The following MTHFD2L variants were observed in gnomAD, a reference collection of about 807,000 sequenced individuals.
MTHFD2L encodes the protein methylenetetrahydrofolate dehydrogenase (NADP+ dependent) 2 like.
Under a neutral mutation model 34.9 loss-of-function variants are expected in MTHFD2L, and 29 were observed. That is an observed-to-expected ratio of 0.83 (90% CI 0.62 to 1.13). The LOEUF is 1.13. Ranked by LOEUF, MTHFD2L falls within the 50% of genes most tolerant of loss-of-function variation. The pLI is 0.00. For synonymous variants in MTHFD2L, 167 were observed against 155.7 expected, an observed-to-expected ratio of 1.07 and a Z score of -0.54; for missense variants, 481 against 446.5, an observed-to-expected ratio of 1.08 and a Z score of -0.70.
In MTHFD2L at chr4:74,266,783, A is replaced by G. The variant is rs535454061; in HGVS notation, c.806-14642A>G. On this transcript the variant is annotated intron_variant, in intron 6 of 7. Transcript: ENST00000325278. The stretch of plus-strand genomic sequence containing the variant: ...ACTTTTCTGAGTCAATCAGCACTGA[A>G]TGCCTTAGCTGCTGCTAGAATGCTT... The G allele has an allele frequency of 5.2e-5, 46 of 889,724 alleles. No individual in the cohort carries two copies. The African/African-American group carries it at 7.6e-4, about 15-fold the overall frequency. The allele number at this position is 889,724 out of a possible 1,614,324, so 55.1% of individuals were successfully genotyped here.
chr4:74,126,212 T>A (rs981897322), intron 1 of MTHFD2L, among the ~76,000 whole-genome samples: 1 of 152,214 alleles, frequency 6.6e-6, no homozygotes, highest in Non-Finnish European at 1.5e-5. Context: ...GATTTTATTA[T>A]AACTTATTTG....
At chr4:74,224,714 T>C (rs1264330901) in intron 5 of MTHFD2L, among the ~76,000 whole-genome samples, 2 of 152,144 alleles carry the variant, frequency 1.3e-5, no homozygotes, top group Non-Finnish European at 2.9e-5. Flanking sequence ...ATTTTGCTAT[T>C]TTCCAAATAC....
chr4:74,229,813 C>G (rs948320498), intron 6 of MTHFD2L, among the ~76,000 whole-genome samples: 2 of 152,154 alleles, frequency 1.3e-5, no homozygotes, highest in Non-Finnish European at 2.9e-5. Context: ...CTTCAAGTCC[C>G]TACTCAAAGC....
At chr4:74,212,825 G>C (rs558901393) in intron 5 of MTHFD2L, among the ~76,000 whole-genome samples, 1 of 152,236 alleles carries the variant, frequency 6.6e-6, no homozygotes, top group Admixed American at 6.5e-5. Context: ...TTGTGTGGGA[G>C]TCTAACTCTC....
chr4:74,188,048 T>C (rs1731663994), intron 3 of MTHFD2L, among the ~76,000 whole-genome samples: 1 of 152,206 alleles, frequency 6.6e-6, no homozygotes, highest in African/African-American at 2.4e-5. Context: ...AACAAAATAT[T>C]GATGCATATT....
intron 7 of MTHFD2L, among the ~76,000 whole-genome samples, chr4:74,284,064 T>C (rs1747837101): frequency 6.6e-6 from 1 of 152,138 alleles, no homozygotes; most frequent in Admixed American, 6.6e-5. Flanking sequence ...ACAAAACAGA[T>C]GTAGATAAAA....
At chr4:74,191,770 G>A (rs1432876686) in intron 3 of MTHFD2L, among the ~76,000 whole-genome samples, 1 of 151,852 alleles carries the variant, frequency 6.6e-6, no homozygotes, top group Non-Finnish European at 1.5e-5. Flanking sequence ...TGTTGGCCAG[G>A]CTGGTCTCAA....
chr4:74,138,598 T>C (rs987565042), intron 1 of MTHFD2L, among the ~76,000 whole-genome samples: 25 of 151,974 alleles, frequency 1.6e-4, no homozygotes, highest in Admixed American at 1.5e-3. Context: ...AGAGCGGCAA[T>C]GGGAACCTCG....
chr4:74,180,685 A>G, intron 3 of MTHFD2L: 1 of 454,854 alleles, frequency 2.2e-6, no homozygotes, highest in South Asian at 1.6e-5. Flanking sequence ...GTTTATGTTC[A>G]GAAGCTGTGC....
intron 7 of MTHFD2L, among the ~76,000 whole-genome samples, chr4:74,282,613 G>T (rs1313073061): frequency 1.3e-5 from 2 of 152,124 alleles, no homozygotes; most frequent in African/African-American, 2.4e-5. Flanking sequence ...TCAGGGACCA[G>T]ATCCAAGTAA....
At chr4:74,244,641 A>G (rs1742164362) in intron 6 of MTHFD2L, among the ~76,000 whole-genome samples, 1 of 152,238 alleles carries the variant, frequency 6.6e-6, no homozygotes, top group South Asian at 2.1e-4. Context: ...TAAGCAATAC[A>G]TAATGTCATG....
chr4:74,291,324 T>G (rs764943217), intron 7 of MTHFD2L, among the ~76,000 whole-genome samples: 19 of 152,002 alleles, frequency 1.2e-4, no homozygotes, highest in Non-Finnish European at 2.6e-4. Flanking sequence ...CCATTTCTTT[T>G]ATATCTCTGT....
At chr4:74,294,989 C>T (rs1363134511) in intron 7 of MTHFD2L, among the ~76,000 whole-genome samples, 1 of 152,128 alleles carries the variant, frequency 6.6e-6, no homozygotes, top group Non-Finnish European at 1.5e-5. Flanking sequence ...TCCTTCACTA[C>T]TTTCTTCTAA....
intron 1 of MTHFD2L, among the ~76,000 whole-genome samples, chr4:74,131,482 A>G (rs941118678): frequency 6.2e-4 from 95 of 152,332 alleles, no homozygotes; most frequent in Non-Finnish European, 2.1e-4. Flanking sequence ...AGCAATAGGG[A>G]AAGGATTCCT....
intron 5 of MTHFD2L, among the ~76,000 whole-genome samples, chr4:74,219,591 A>T (rs1737799733): frequency 6.6e-6 from 1 of 152,138 alleles, no homozygotes; most frequent in Non-Finnish European, 1.5e-5. Flanking sequence ...GCCAAGGAAG[A>T]TGAGTTAAAT....
chr4:74,202,049 C>T (rs1348858479), intron 5 of MTHFD2L, among the ~76,000 whole-genome samples: 3 of 152,230 alleles, frequency 2.0e-5, no homozygotes, highest in Non-Finnish European at 4.4e-5. Context: ...CACTGACACA[C>T]AGATATTCTG....
In MTHFD2L at chr4:74,143,245, AG is replaced by A. The variant is rs1451488319; in HGVS notation, c.-296-16809del. 8.9e-4 allele frequency: 38 copies of A among 42,644 alleles called. No individual in the cohort carries two copies. The East Asian group carries it at 0.15, about 170-fold the overall frequency. 2.6% of individuals were successfully genotyped at this position (42,644 alleles called of 1,614,324 possible). ...TAATGGTGACCAAGAGGAGCTGGAAAGCATACGTGCACTGATTCCTCACAGC... is the reference window on the plus strand; with the variant it reads ...TAATGGTGACCAAGAGGAGCTGGAAACATACGTGCACTGATTCCTCACAGC... On this transcript the variant is annotated intron_variant, in intron 1 of 7. Coordinates refer to the MTHFD2L transcript ENST00000433372.
chr4:74,218,130 C>G lies in MTHFD2L; in HGVS notation c.713-7172C>G, dbSNP rs951642682. On this transcript the variant is annotated intron_variant, in intron 5 of 7. Transcript: ENST00000325278. ...GCCTAGCATGATTCTGGTATGTTTT[C>G]TATACATTTTTTTTTTAGTCATGAT... 4.0e-5 allele frequency among the ~76,000 whole-genome samples: 6 copies of G among 151,896 alleles called. 1 individual carries two copies. In the South Asian group the frequency reaches 8.3e-4, roughly 21 times the overall value.
intron 6 of MTHFD2L, among the ~76,000 whole-genome samples, chr4:74,248,135 T>A (rs1272259611): frequency 1.3e-5 from 2 of 151,540 alleles, no homozygotes; most frequent in Non-Finnish European, 1.5e-5. Context: ...TGGTAAGCTA[T>A]TGATTATTGC....
Sources: gnomAD v4.1 joint callset for allele counts (sites outside exome capture counted in the v4.1 genomes callset) on GRCh38, gnomAD v4.1.1 for gene constraint, MANE v1.5 for transcripts, NCBI Gene and HGNC (gene_info 2026-07-23, HGNC 2026-07-21) for gene names.